The following ZHX3 variants were observed in gnomAD, a reference collection of about 807,000 sequenced individuals.
The protein encoded by ZHX3 is zinc fingers and homeoboxes protein 3.
In ZHX3, 20 loss-of-function variants were observed where a neutral mutation model predicts 64.5. The observed-to-expected ratio is 0.31, with a 90% CI of 0.22 to 0.45. The LOEUF is 0.45. ZHX3 is among the 20% of genes least tolerant of loss of function. ZHX3 has a pLI of 1.00. For synonymous variants in ZHX3, 423 were observed against 461.6 expected (o/e 0.92, Z 1.07); for missense variants, 1,041 against 1,195.8 (o/e 0.87, Z 1.91).
rs2036250758 is a variant in ZHX3, at chr20:41,181,513, C to T, written c.*3678G>A. ...TGTGATATCTGAACTGAAAAAGCTG[C>T]ACCAATCTGAGGATATTGGTCCAAA... On this transcript the variant is annotated 3_prime_UTR_variant, in exon 4 of 4. Transcript: ENST00000683867. 1 of 152,166 alleles carries T rather than the reference C, an allele frequency of 6.6e-6. No individual in the cohort carries two copies. 9.4% of individuals were successfully genotyped at this position (152,166 alleles called of 1,614,324 possible).
intron 2 of ZHX3, among the ~76,000 whole-genome samples, chr20:41,217,505 A>C (rs748766208): frequency 1.2e-4 from 18 of 152,226 alleles, no homozygotes; most frequent in Non-Finnish European, 2.5e-4. Context: ...ATTCTGTTTT[A>C]AATGTTTCTC....
At chr20:41,314,717 TCA>T (rs1182772916) in intron 1 of ZHX3, among the ~76,000 whole-genome samples, 2 of 152,208 alleles carry the variant, frequency 1.3e-5, no homozygotes, top group Non-Finnish European at 2.9e-5. Flanking sequence ...AAAATTCTTC[TCA>T]GATATAGATG....
In ZHX3 at chr20:41,203,116, T is replaced by G; in HGVS notation, c.1801A>C (p.Lys601Gln). ...TATLATHPSAKRQSWHQTPDF... is the reference protein window; with the variant it reads ...TATLATHPSAQRQSWHQTPDF... ...GGAGTCTGGTGCCAAGATTGTCGTT[T>G]GGCAGAAGGGTGGGTTGCTAGTGTG... Residue 601 changes from lysine to glutamine, a missense_variant, in exon 3 of 4, where the codon AAA (lysine) becomes CAA (glutamine). Physicochemically the swap from Lys to Gln is moderately conservative, Grantham distance 53. Transcript: ENST00000683867. This position sits in a 1 kb window ranked among gnomAD's most constrained non-coding sequence, Gnocchi z 7.1. 6.2e-7 allele frequency: 1 copy of G among 1,614,128 alleles called. No individual in the cohort carries two copies. Among genetic ancestry groups the G allele is most frequent in the South Asian group, 1.1e-5 (1 of 91,084 alleles).
chr20:41,313,914 A>G (rs1199107421), intron 1 of ZHX3, among the ~76,000 whole-genome samples: 3 of 151,506 alleles, frequency 2.0e-5, no homozygotes, highest in Admixed American at 1.3e-4. Flanking sequence ...GGCCTTTAAG[A>G]AAATAATTTT....
intron 1 of ZHX3, among the ~76,000 whole-genome samples, chr20:41,304,160 T>C (rs890173990): frequency 1.3e-5 from 2 of 152,204 alleles, no homozygotes; most frequent in Admixed American, 6.5e-5. Context: ...GTTTCCAGTA[T>C]AGTCTCCTCC....
chr20:41,209,643 T>C (rs558044111), intron 2 of ZHX3, among the ~76,000 whole-genome samples: 26 of 152,324 alleles, frequency 1.7e-4, no homozygotes, highest in Admixed American at 7.2e-4. Context: ...GCTAGCCATA[T>C]GCAGAAAGCT....
chr20:41,193,113 A>ATTT lies in ZHX3; in HGVS notation c.2861-7915_2861-7913dup, dbSNP rs536299742. 4.4e-4 allele frequency among the ~76,000 whole-genome samples: 67 copies of ATTT among 151,960 alleles called. No homozygotes were observed. In the East Asian group the frequency reaches 8.5e-3, roughly 19 times the overall value. On this transcript the variant is annotated intron_variant, in intron 3 of 3. Transcript: ENST00000683867. Reference sequence around the variant, plus strand: ...TTCAAAGTGTGATTATCTACTCTCTATTTTTGTTCTTAATGGAAGAGGCGA... The same window carrying ATTT: ...TTCAAAGTGTGATTATCTACTCTCTATTTTTTTTGTTCTTAATGGAAGAGGCGA...
In ZHX3 at chr20:41,204,423, G is replaced by C; in HGVS notation, c.494C>G (p.Ala165Gly). 5.6e-6 allele frequency: 9 copies of C among 1,614,122 alleles called. No individual in the cohort carries two copies. Among genetic ancestry groups the C allele is most frequent in the South Asian group, 1.1e-5 (1 of 91,072 alleles). The change falls in exon 3 of 4, where the codon GCG becomes GGG. Residue 165 changes from alanine to glycine, a missense_variant. This residue lies in a region of ZHX3 where 358 missense variants were observed against 369.1 expected (regional missense o/e 0.97). Coordinates refer to ENST00000683867, the MANE Select transcript of ZHX3 (RefSeq NM_001384317.1). This position sits in a 1 kb window ranked among gnomAD's most constrained non-coding sequence, Gnocchi z 6.6. The stretch of plus-strand genomic sequence containing the variant: ...AGCCCCTTCAGCACTGGGCTCACCC[G>C]CTAGGTCAGGAGTGCTGGTGCTCTC... ...IPESTSTPDL[A>G]GEPSAEGADG...
rs148707664 is a variant in ZHX3, at chr20:41,233,115, T to C, written c.-150-28049A>G. Among the ~76,000 whole-genome samples, 17 of 152,358 alleles carry C rather than the reference T, an allele frequency of 1.1e-4. No homozygotes were observed. The East Asian group carries it at 2.3e-3, about 21-fold the overall frequency. On this transcript the variant is annotated intron_variant, in intron 2 of 3. Coordinates refer to ENST00000683867, the MANE Select transcript of ZHX3 (RefSeq NM_001384317.1). ...AACTTGGATTCTTCCCAATCACCTTTTGAATGCTGAATTCAGACTCTGATA... is the reference window on the plus strand; with the variant it reads ...AACTTGGATTCTTCCCAATCACCTTCTGAATGCTGAATTCAGACTCTGATA...
Position 41,204,051 on chromosome 20 carries a change from G to A in ZHX3, c.866C>T (p.Pro289Leu), listed in dbSNP as rs1473881134. 1.2e-6 allele frequency: 2 copies of A among 1,613,500 alleles called. No homozygotes were observed. Among genetic ancestry groups the A allele is most frequent in the Non-Finnish European group, 1.7e-6 (2 of 1,179,696 alleles). The change falls in exon 3 of 4, where the codon CCA (proline) becomes CTA (leucine). Residue 289 changes from proline to leucine, a missense_variant. Transcript: ENST00000683867. This position sits in a 1 kb window ranked among gnomAD's most constrained non-coding sequence, Gnocchi z 6.6. ...PVHAQHHVHQPLPTAKALPKV... is the reference protein window; with the variant it reads ...PVHAQHHVHQLLPTAKALPKV... The stretch of plus-strand genomic sequence containing the variant: ...GGGAAGGGCCTTGGCCGTGGGCAGT[G>A]GCTGGTGGACATGGTGTTGGGCATG...
At chr20:41,297,362 A>C (rs576255549) in intron 1 of ZHX3, among the ~76,000 whole-genome samples, 2 of 152,322 alleles carry the variant, frequency 1.3e-5, no homozygotes, top group Non-Finnish European at 2.9e-5. Context: ...GACCCTGTGA[A>C]TTGACAAGAA....
Position 41,237,652 on chromosome 20 carries a change from T to C in ZHX3, c.-151+31338A>G, listed in dbSNP as rs563286739. ...TGGGGAGGGATAGCATTAGGAGATA[T>C]ACTTAATGTTAAATGAAGAGCTAAT... On this transcript the variant is annotated intron_variant, in intron 2 of 3. Transcript: ENST00000683867. Among the ~76,000 whole-genome samples the C allele has an allele frequency of 6.6e-5, 10 of 152,296 alleles. No individual in the cohort carries two copies. In the South Asian group the frequency reaches 1.9e-3, roughly 28 times the overall value.
chr20:41,283,236 G>A (rs959960603), intron 1 of ZHX3, among the ~76,000 whole-genome samples: 7 of 152,058 alleles, frequency 4.6e-5, no homozygotes, highest in Admixed American at 6.6e-5. Context: ...TCGCCATCAG[G>A]GTGCATGTGT....
Position 41,203,257 on chromosome 20 carries a change from C to T in ZHX3, c.1660G>A (p.Gly554Ser), listed in dbSNP as rs1228172654. The T allele has an allele frequency of 1.2e-6, 2 of 1,613,996 alleles. No homozygotes were observed. Among genetic ancestry groups the T allele is most frequent in the South Asian group, 1.1e-5 (1 of 91,074 alleles). Residue 554 changes from glycine to serine, a missense_variant, in exon 3 of 4, where the codon GGC becomes AGC. Transcript: ENST00000683867. The surrounding 1 kb of genome is among the most constrained non-coding windows in gnomAD (Gnocchi z 7.1). ...TCTCCAGGTATCATCGCTCTGGAGC[C>T]CTTCAAGTTCCGGCAGTGGTATCTA... ...DRRYHCRNLK[G>S]SRAMIPGDHS...
chr20:41,196,315 TTATAATAA>T (rs2037488881), intron 3 of ZHX3, among the ~76,000 whole-genome samples: 1 of 117,000 alleles, frequency 8.5e-6, no homozygotes, highest in African/African-American at 3.2e-5. Flanking sequence ...AAATATATAT[TTATAATAA>T]ATATATTTTT....
At chr20:41,221,798 G>C (rs2039960293) in intron 2 of ZHX3, among the ~76,000 whole-genome samples, 1 of 152,244 alleles carries the variant, frequency 6.6e-6, no homozygotes, top group East Asian at 1.9e-4. Context: ...TCCAGGCACA[G>C]GCATCAGCTG....
At chr20:41,279,063 C>T (rs1292163922) in intron 1 of ZHX3, among the ~76,000 whole-genome samples, 1 of 152,190 alleles carries the variant, frequency 6.6e-6, no homozygotes, top group African/African-American at 2.4e-5. Context: ...AGACGTGAGC[C>T]ACTGCACCCA....
intron 1 of ZHX3, among the ~76,000 whole-genome samples, chr20:41,316,698 A>G (rs562450819): frequency 6.6e-6 from 1 of 152,226 alleles, no homozygotes; most frequent in Non-Finnish European, 1.5e-5. Context: ...GCCCAGGGCA[A>G]TCACTGCTCA....
At chr20:41,262,551 TTC>T (rs773579804) in intron 2 of ZHX3, among the ~76,000 whole-genome samples, 5 of 151,624 alleles carry the variant, frequency 3.3e-5, no homozygotes, top group African/African-American at 9.6e-5. Context: ...CCCTCTCTCT[TTC>T]TCTCTCTCTC....
Sources: gnomAD v4.1 joint callset for allele counts (sites outside exome capture counted in the v4.1 genomes callset) on GRCh38, gnomAD v4.1.1 for gene constraint, gnomAD v4.1.1 regional missense constraint, Gnocchi (gnomAD v3.1) non-coding constraint, MANE v1.5 for transcripts, NCBI Gene and HGNC (gene_info 2026-07-23, HGNC 2026-07-21) for gene names.